ITGAV: variants seen among roughly 807,000 people sequenced by gnomAD.
The protein encoded by ITGAV is integrin subunit alpha V.
Under a neutral mutation model 143.8 loss-of-function variants are expected in ITGAV, and 76 were observed. That is an observed-to-expected ratio of 0.53 (90% confidence interval 0.44 to 0.64). ITGAV has a LOEUF of 0.64. Among genes scored for constraint, ITGAV ranks in the 30% least tolerant of loss-of-function variants. ITGAV has a pLI of 0.00. For missense variants in ITGAV, 1,193 were observed against 1,274.7 expected (o/e 0.94, Z 0.98); for synonymous variants, 453 against 446.7 (o/e 1.01, Z -0.18).
chr2:186,641,662 G>C, intron 12 of ITGAV, 74 bp downstream of exon 12: 1 of 1,240,298 alleles, frequency 8.1e-7, no homozygotes, highest in Admixed American at 1.8e-5. Context: ...AAGTCCATCT[G>C]TAGAAGTCTA....
chr2:186,625,782 CT>C (rs1392638062), intron 4 of ITGAV, among the ~76,000 whole-genome samples, 195 bp downstream of exon 4: 4 of 151,968 alleles, frequency 2.6e-5, no homozygotes, highest in African/African-American at 9.7e-5. Flanking sequence ...AACAGGTTTA[CT>C]TTTTCTAAGA....
At chr2:186,607,840 G>A (rs1687111317) in intron 2 of ITGAV, among the ~76,000 whole-genome samples, 1 of 152,062 alleles carries the variant, frequency 6.6e-6, no homozygotes, top group Non-Finnish European at 1.5e-5. Context: ...GCTAAAAATG[G>A]CCCCTGACGT....
chr2:186,676,699 G>A (rs1334320521), intron 28 of ITGAV, 114 bp from the exon 29 acceptor site: 1 of 1,132,578 alleles, frequency 8.8e-7, no homozygotes, highest in Non-Finnish European at 1.2e-6. Flanking sequence ...ATTATCATAT[G>A]CAGGAAAAGA....
intron 2 of ITGAV, among the ~76,000 whole-genome samples, chr2:186,620,063 G>A (rs1001854982): frequency 2.6e-4 from 40 of 151,944 alleles, no homozygotes; most frequent in African/African-American, 9.4e-4. Context: ...TCTAGTTATA[G>A]TGAACAACTC....
chr2:186,640,730 A>G (rs1315428841), intron 10 of ITGAV, among the ~76,000 whole-genome samples, 185 bp from the exon 11 acceptor site: 1 of 152,216 alleles, frequency 6.6e-6, no homozygotes, highest in African/African-American at 2.4e-5. Context: ...ATGATCTAGG[A>G]AAACAACAAG....
chr2:186,639,755 C>G (rs1216860972), intron 10 of ITGAV, among the ~76,000 whole-genome samples: 1 of 152,138 alleles, frequency 6.6e-6, no homozygotes, highest in Non-Finnish European at 1.5e-5. Context: ...CCTCATGGGA[C>G]AGTTGTGAGA....
At chr2:186,639,608 T>C (rs1205496130) in intron 10 of ITGAV, among the ~76,000 whole-genome samples, 1 of 152,142 alleles carries the variant, frequency 6.6e-6, no homozygotes, top group Non-Finnish European at 1.5e-5. Flanking sequence ...TGGGGGTGGC[T>C]AGAGAGGAGT....
chr2:186,656,861 G>A (rs757417452), intron 17 of ITGAV, among the ~76,000 whole-genome samples: 2 of 152,178 alleles, frequency 1.3e-5, no homozygotes, highest in Non-Finnish European at 2.9e-5. Context: ...AAGGCTAAGT[G>A]TTCTTACGAC....
At chr2:186,643,723 A>G (rs1229354281) in intron 12 of ITGAV, among the ~76,000 whole-genome samples, 5 of 152,040 alleles carry the variant, frequency 3.3e-5, no homozygotes, top group Non-Finnish European at 7.4e-5. Context: ...AAAGCAGAGG[A>G]AAAAAAAGAA....
In ITGAV at chr2:186,637,129, T is replaced by C; in HGVS notation, c.802+20T>C. The C allele has an allele frequency of 6.3e-7, 1 of 1,587,158 alleles. No homozygotes were observed. The highest frequency in any genetic ancestry group is 8.7e-7 in the Non-Finnish European group (1 of 1,155,754). On this transcript the variant is annotated intron_variant, in intron 8 of 29. Transcript: ENST00000261023. ...TAGATGGTATGAAGTACTTGAACTA[T>C]ATCTAATCTTTAAAAAAATTAGATT...
intron 5 of ITGAV, among the ~76,000 whole-genome samples, chr2:186,632,647 CAACTT>C: frequency 6.6e-6 from 1 of 152,218 alleles, no homozygotes; most frequent in East Asian, 1.9e-4. Context: ...ATTTTATTCT[CAACTT>C]CACTTCTGTT....
chr2:186,634,591 G>A (rs950290042), intron 6 of ITGAV, among the ~76,000 whole-genome samples: 2 of 152,058 alleles, frequency 1.3e-5, no homozygotes, highest in Non-Finnish European at 2.9e-5. Context: ...GGAAGGCAAA[G>A]GAGGGAATAA....
intron 1 of ITGAV, among the ~76,000 whole-genome samples, chr2:186,597,002 T>G (rs1686765977): frequency 6.6e-6 from 1 of 152,328 alleles, no homozygotes; most frequent in East Asian, 1.9e-4. Context: ...TCTGTAGCAT[T>G]TCACCAGTAT....
rs1559072886 is a variant in ITGAV at position 186,678,282 on chromosome 2, T to A, written c.*990T>A. The A allele has an allele frequency of 6.5e-6, 1 of 153,794 alleles. No individual in the cohort carries two copies. The highest frequency in any genetic ancestry group is 1.4e-5 in the Non-Finnish European group (1 of 69,088). The allele number at this position is 153,794 out of a possible 1,614,324, so 9.5% of individuals were successfully genotyped here. ...AATTTATTTTCCTCCATTCATGTAC[T>A]TTTCCTTATATTTCCAAAACTGTTA... On this transcript the variant is annotated 3_prime_UTR_variant, in exon 30 of 30. Coordinates refer to ENST00000261023, the MANE Select transcript of ITGAV (RefSeq NM_002210.5).
intron 26 of ITGAV, among the ~76,000 whole-genome samples, chr2:186,674,380 G>T (rs1023322909): frequency 6.6e-6 from 1 of 151,912 alleles, no homozygotes; most frequent in Non-Finnish European, 1.5e-5. Context: ...CTTGTGTCCT[G>T]TACCTCTTCT....
intron 28 of ITGAV, 111 bp from the exon 29 acceptor site, chr2:186,676,702 G>A: frequency 2.5e-6 from 3 of 1,186,530 alleles, no homozygotes; most frequent in Non-Finnish European, 3.5e-6. Flanking sequence ...ATCATATGCA[G>A]GAAAAGAATA....
rs139658295 is a variant in ITGAV at position 186,656,424 on chromosome 2, C to T, written c.1719+23C>T. On this transcript the variant is annotated intron_variant, in intron 17 of 29. Coordinates refer to ENST00000261023, the MANE Select transcript of ITGAV (RefSeq NM_002210.5). ...CGGGTAAGAGCTAACTTTTCTGCTACCTTGTTGTTCCTTTTTAGTCATTAG... is the reference window on the plus strand; with the variant it reads ...CGGGTAAGAGCTAACTTTTCTGCTATCTTGTTGTTCCTTTTTAGTCATTAG... 507 of 1,433,766 alleles carry T rather than the reference C, an allele frequency of 3.5e-4. 1 individual carries two copies. The African/African-American group carries it at 6.4e-3, about 18-fold the overall frequency. The allele number at this position is 1,433,766 out of a possible 1,614,324, so 88.8% of individuals were successfully genotyped here. A position where few individuals can be genotyped will look rare whatever the true frequency, so the allele number is the denominator to read the frequency against.
intron 15 of ITGAV, among the ~76,000 whole-genome samples, chr2:186,653,328 A>C (rs1482877493): frequency 6.6e-6 from 1 of 152,132 alleles, no homozygotes; most frequent in Non-Finnish European, 1.5e-5. Flanking sequence ...CTAATGAAAA[A>C]TCTTGACCCA....
At chr2:186,654,746 A>G in intron 16 of ITGAV, 38 bp downstream of exon 16, 1 of 813,002 alleles carries the variant, frequency 1.2e-6, no homozygotes, top group South Asian at 1.5e-5. Flanking sequence ...TTTTAATGAT[A>G]CTGCATACAC....
Sources: gnomAD v4.1 joint callset for allele counts (sites outside exome capture counted in the v4.1 genomes callset) on GRCh38, gnomAD v4.1.1 for gene constraint, MANE v1.5 for transcripts, NCBI Gene and HGNC (gene_info 2026-07-23, HGNC 2026-07-21) for gene names.